KCNK17: variants seen among roughly 807,000 people sequenced by gnomAD.
KCNK17 encodes the protein potassium channel subfamily K member 17.
In KCNK17, 27 loss-of-function variants were observed where a neutral mutation model predicts 24.6. The observed-to-expected ratio is 1.10, with a 90% CI of 0.81 to 1.51. The LOEUF (loss-of-function observed/expected upper bound fraction) is 1.51. KCNK17 is among the 40% of genes most tolerant of loss of function. The probability of loss-of-function intolerance (pLI) is 0.00; values close to 1 mark genes in which losing one functional copy is unlikely to be tolerated. For synonymous variants in KCNK17, 181 were observed against 189.8 expected (o/e 0.95, Z 0.38); for missense variants, 450 against 436.6 (o/e 1.03, Z -0.27).
chr6:39,311,066 C>T, intron 1 of KCNK17, 59 bp from the exon 2 acceptor site: 2 of 767,154 alleles, frequency 2.6e-6, no homozygotes, highest in Non-Finnish European at 2.2e-6. Flanking sequence ...TCCTGTACCC[C>T]AAGATGCACA....
intron 2 of KCNK17, among the ~76,000 whole-genome samples, chr6:39,305,035 G>A (rs1762011601): frequency 6.6e-6 from 1 of 152,214 alleles, no homozygotes; most frequent in South Asian, 2.1e-4. Flanking sequence ...GCCTCCAGCT[G>A]TTGCACTCTT....
chr6:39,303,833 G>A (rs779063996), intron 4 of KCNK17, 124 bp downstream of exon 4: 80 of 1,102,430 alleles, frequency 7.3e-5, no homozygotes, highest in Middle Eastern at 2.3e-4. Context: ...CAGTGTCTCC[G>A]GATTTTGGGC....
chr6:39,310,864 C>A, intron 2 of KCNK17, 29 bp downstream of exon 2: 2 of 1,263,420 alleles, frequency 1.6e-6, no homozygotes, highest in South Asian at 1.3e-5. Context: ...TCCCCCACCC[C>A]CATCCCCCTG....
intron 2 of KCNK17, among the ~76,000 whole-genome samples, chr6:39,307,416 C>T (rs6902668): frequency 0.014 from 2,185 of 152,196 alleles, 66 homozygotes; most frequent in African/African-American, 0.05. Context: ...GCATCTAGGG[C>T]GAGGTAAACC....
In KCNK17 at chr6:39,304,031, C is replaced by A. The variant is rs375312545; in HGVS notation, c.614G>T (p.Gly205Val). The A allele has an allele frequency of 1.2e-6, 2 of 1,613,754 alleles. No homozygotes were observed. Among genetic ancestry groups the A allele is most frequent in the African/African-American group, 2.7e-5 (2 of 74,942 alleles). Residue 205 changes from glycine to valine, a missense_variant, in exon 4 of 5, where the codon GGC (glycine) becomes GTC (valine). Coordinates refer to ENST00000373231, the MANE Select transcript of KCNK17 (RefSeq NM_031460.4). The stretch of plus-strand genomic sequence containing the variant: ...GTAGAAGCCCTCTGTGTAGCTCCAG[C>A]CCTCCATGTGGGAGAAGAGCAGCGG... Reference protein sequence around the residue: ...LPPLLFSHMEGWSYTEGFYFA... With the variant: ...LPPLLFSHMEVWSYTEGFYFA...
Position 39,299,377 on chromosome 6 carries a change from A to G in KCNK17, c.*50T>C. ...GTTTGGGTGGACATGTGCAAAGCTT[A>G]AAATCAGGGGTCTTGCTACCGAGGA... On this transcript the variant is annotated 3_prime_UTR_variant, in exon 5 of 5. Coordinates refer to ENST00000373231, the MANE Select transcript of KCNK17 (RefSeq NM_031460.4). 6.9e-7 allele frequency: 1 copy of G among 1,444,868 alleles called. No individual in the cohort carries two copies. The highest frequency in any genetic ancestry group is 9.5e-7 in the Non-Finnish European group (1 of 1,049,358). 89.5% of individuals were successfully genotyped at this position (1,444,868 alleles called of 1,614,324 possible).
chr6:39,307,378 T>C (rs1173060500), intron 2 of KCNK17, among the ~76,000 whole-genome samples: 3 of 152,184 alleles, frequency 2.0e-5, no homozygotes, highest in African/African-American at 7.2e-5. Context: ...GGGTTTCCTC[T>C]TCCAAAGGAG....
At chr6:39,301,082 G>A (rs890722043) in intron 4 of KCNK17, among the ~76,000 whole-genome samples, 1 of 152,230 alleles carries the variant, frequency 6.6e-6, no homozygotes, top group Non-Finnish European at 1.5e-5. Flanking sequence ...TCTATAGGTG[G>A]TTGCTTGTTT....
intron 2 of KCNK17, among the ~76,000 whole-genome samples, chr6:39,307,854 C>T (rs944944638): frequency 6.6e-6 from 1 of 152,186 alleles, no homozygotes; most frequent in Non-Finnish European, 1.5e-5. Flanking sequence ...CTCCTGTTTC[C>T]AACCCTCTCC....
rs1173198229 is a variant in KCNK17 at position 39,314,255 on chromosome 6, G to A, written c.66C>T (p.Thr22=). The change falls in exon 1 of 5, where the codon ACC becomes ACT. Residue 22 remains threonine, a synonymous_variant. Coordinates refer to ENST00000373231, the MANE Select transcript of KCNK17 (RefSeq NM_031460.4). ...GRVRGCAVPS[T]VLLLLAYLAY... Reference sequence around the variant, plus strand: ...CCAGGTAGGCGAGCAGCAGGAGCACGGTGCTGGGCACCGCGCAGCCCCGGA... The same window carrying A: ...CCAGGTAGGCGAGCAGCAGGAGCACAGTGCTGGGCACCGCGCAGCCCCGGA... 2.0e-6 allele frequency: 3 copies of A among 1,532,676 alleles called. No homozygotes were observed. Among genetic ancestry groups the A allele is most frequent in the East Asian group, 2.5e-5 (1 of 40,568 alleles). 94.9% of individuals were successfully genotyped at this position (1,532,676 alleles called of 1,614,324 possible).
intron 1 of KCNK17, among the ~76,000 whole-genome samples, chr6:39,313,860 G>A (rs1400852344): frequency 6.6e-6 from 1 of 152,216 alleles, no homozygotes; most frequent in Non-Finnish European, 1.5e-5. Context: ...GCTTCTCGCA[G>A]TCCTCTCGCT....
chr6:39,314,017 G>T, intron 1 of KCNK17, 67 bp downstream of exon 1: 1 of 1,269,294 alleles, frequency 7.9e-7, no homozygotes, highest in Non-Finnish European at 1.1e-6. Context: ...CCTCGCCCTC[G>T]GCCCGTACAC....
intron 4 of KCNK17, among the ~76,000 whole-genome samples, chr6:39,301,736 G>T (rs1229219300): frequency 6.6e-6 from 1 of 152,258 alleles, no homozygotes; most frequent in African/African-American, 2.4e-5. Flanking sequence ...CTGGGGAGGA[G>T]TAGCCGGATG....
At chr6:39,301,119 A>C (rs1195445022) in intron 4 of KCNK17, among the ~76,000 whole-genome samples, 11 of 152,294 alleles carry the variant, frequency 7.2e-5, no homozygotes, top group Non-Finnish European at 1.6e-4. Flanking sequence ...CCCCCAACGA[A>C]GTTGGTGCTG....
At chr6:39,302,085 T>C (rs1390386081) in intron 4 of KCNK17, among the ~76,000 whole-genome samples, 1 of 152,214 alleles carries the variant, frequency 6.6e-6, no homozygotes, top group Non-Finnish European at 1.5e-5. Context: ...GAAGATCCCC[T>C]GCAGGTGAAG....
rs141578924 is a variant in KCNK17 at position 39,304,054 on chromosome 6, C to T, written c.591G>A (p.Pro197=). The T allele has an allele frequency of 4.4e-4, 705 of 1,613,558 alleles. No individual in the cohort carries two copies. Among genetic ancestry groups the T allele is most frequent in the Middle Eastern group, 1.2e-3 (7 of 6,008 alleles). ...SGLLLFLLLP[P]LLFSHMEGWS... ...AGCCCTCCATGTGGGAGAAGAGCAGCGGTGGCAGCAGCAGGAAGAGCAGGA... is the reference window on the plus strand; with the variant it reads ...AGCCCTCCATGTGGGAGAAGAGCAGTGGTGGCAGCAGCAGGAAGAGCAGGA... Residue 197 remains proline (P), a synonymous_variant, in exon 4 of 5, where the codon CCG becomes CCA. Coordinates refer to ENST00000373231, the MANE Select transcript of KCNK17 (RefSeq NM_031460.4).
intron 2 of KCNK17, among the ~76,000 whole-genome samples, chr6:39,309,725 A>G (rs1583770882): frequency 6.6e-6 from 1 of 152,220 alleles, no homozygotes; most frequent in African/African-American, 2.4e-5. Context: ...GCTACCCTGG[A>G]ACTCAATACA....
chr6:39,312,937 C>T (rs1762167895), intron 1 of KCNK17, among the ~76,000 whole-genome samples: 1 of 152,218 alleles, frequency 6.6e-6, no homozygotes. Flanking sequence ...TCGGCCTAGT[C>T]CGAGGGTTCA....
Position 39,310,978 on chromosome 6 carries a change from G to A in KCNK17, c.267C>T (p.Ala89=). ...TGCTGGTGGTGTTGCTGAGGAGGCT[G>A]GCTCCGTTTTTGTATGCTTGGACGA... ...RDVVQAYKNG[A]SLLSNTTSMG... is the part of the protein sequence containing the mutation. Residue 89 remains alanine (A), a synonymous_variant, in exon 2 of 5, where the codon GCC becomes GCT. Coordinates refer to ENST00000373231, the MANE Select transcript of KCNK17 (RefSeq NM_031460.4). The A allele has an allele frequency of 1.2e-6, 2 of 1,607,144 alleles. No individual in the cohort carries two copies. The highest frequency in any genetic ancestry group is 1.7e-4 in the Middle Eastern group (1 of 6,048).
Sources: gnomAD v4.1 joint callset for allele counts (sites outside exome capture counted in the v4.1 genomes callset) on GRCh38, gnomAD v4.1.1 for gene constraint, MANE v1.5 for transcripts, NCBI Gene and HGNC (gene_info 2026-07-23, HGNC 2026-07-21) for gene names.